Variants in SKAP2 observed in about 807,000 individuals in gnomAD.
SKAP2 encodes src kinase-associated phosphoprotein 2.
Under a neutral mutation model 54.9 loss-of-function variants are expected in SKAP2, and 28 were observed. That is an observed-to-expected ratio of 0.51 (90% CI 0.38 to 0.70). The LOEUF (loss-of-function observed/expected upper bound fraction) is 0.70. Among genes scored for constraint, SKAP2 ranks in the 30% least tolerant of loss-of-function variants. SKAP2 has a pLI of 0.00. For missense variants in SKAP2, 356 were observed against 424.1 expected (o/e 0.84, Z 1.41); for synonymous variants, 137 against 134.3 (o/e 1.02, Z -0.14).
intron 4 of SKAP2, among the ~76,000 whole-genome samples, chr7:26,794,904 T>C (rs1198442799): frequency 2.6e-5 from 4 of 152,206 alleles, no homozygotes; most frequent in Non-Finnish European, 4.4e-5. Context: ...TTCTCTCCCC[T>C]GTACGTATAT....
chr7:26,685,581 G>A (rs1584329807), intron 10 of SKAP2, among the ~76,000 whole-genome samples: 1 of 152,290 alleles, frequency 6.6e-6, no homozygotes, highest in Admixed American at 6.5e-5. Context: ...ATACACTGGA[G>A]TATCAGCTCA....
chr7:26,811,547 A>C (rs1396906549), intron 4 of SKAP2, among the ~76,000 whole-genome samples: 17 of 152,192 alleles, frequency 1.1e-4, no homozygotes, highest in Non-Finnish European at 2.5e-4. Context: ...GTAAAAACTT[A>C]AGTCCAAAAG....
chr7:26,763,240 T>C lies in SKAP2; in HGVS notation c.308-23276A>G, dbSNP rs550025501. Among the ~76,000 whole-genome samples, 42 of 152,232 alleles carry C rather than the reference T, an allele frequency of 2.8e-4. 1 individual carries two copies. The highest frequency in any genetic ancestry group is 1.2e-3 in the South Asian group (6 of 4,820). ...TACCAAGATTTTCCACATAAGAAAA[T>C]ATTTACAAAGGAAAATAAGTGCTCA... On this transcript the variant is annotated intron_variant, in intron 4 of 12. Coordinates refer to ENST00000345317, the MANE Select transcript of SKAP2 (RefSeq NM_003930.5).
rs1584367940 is a variant in SKAP2 at position 26,750,469 on chromosome 7, C to T, written c.308-10505G>A. On this transcript the variant is annotated intron_variant, in intron 4 of 12. Coordinates refer to ENST00000345317, the MANE Select transcript of SKAP2 (RefSeq NM_003930.5). ...GGGATTACAGGCATGCGCTACCATG[C>T]CCAACTAATTTTTGTATCTGTAGTA... is the stretch of plus-strand genomic sequence containing the variant. Among the ~76,000 whole-genome samples, 2 of 151,906 alleles carry T rather than the reference C, an allele frequency of 1.3e-5. 1 individual carries two copies. Among genetic ancestry groups the T allele is most frequent in the South Asian group, 4.2e-4 (2 of 4,810 alleles).
In SKAP2 at chr7:26,667,121, T is replaced by C. The variant is rs1471556595; in HGVS notation, c.*2545A>G. Reference sequence around the variant, plus strand: ...CTTAAAAATTTGCAGAGTGGAACATTATTGTAAGATCTAATGGCAATAGAG... The same window carrying C: ...CTTAAAAATTTGCAGAGTGGAACATCATTGTAAGATCTAATGGCAATAGAG... On this transcript the variant is annotated 3_prime_UTR_variant, in exon 13 of 13. Coordinates refer to ENST00000345317, the MANE Select transcript of SKAP2 (RefSeq NM_003930.5). 1 of 152,204 alleles carries C rather than the reference T, an allele frequency of 6.6e-6. No individual in the cohort carries two copies. The highest frequency in any genetic ancestry group is 2.4e-5 in the African/African-American group (1 of 41,452). The allele number at this position is 152,204 out of a possible 1,614,324, so 9.4% of individuals were successfully genotyped here.
At chr7:26,760,822 AAAGG>A (rs551883453) in intron 4 of SKAP2, among the ~76,000 whole-genome samples, 43 of 152,296 alleles carry the variant, frequency 2.8e-4, no homozygotes, top group South Asian at 2.1e-3. Flanking sequence ...AGAGGAGGCC[AAAGG>A]AAGGCCAAAA....
intron 4 of SKAP2, among the ~76,000 whole-genome samples, chr7:26,802,374 C>T (rs200014290): frequency 8.6e-5 from 13 of 150,628 alleles, no homozygotes; most frequent in Admixed American, 6.0e-4. Flanking sequence ...CGAGTTCAAG[C>T]GATTCTCCTG....
At chr7:26,774,893 A>T (rs777430142) in intron 4 of SKAP2, among the ~76,000 whole-genome samples, 7 of 152,148 alleles carry the variant, frequency 4.6e-5, no homozygotes, top group Non-Finnish European at 8.8e-5. Flanking sequence ...GTTAACAAGC[A>T]CCTGATTTGT....
intron 4 of SKAP2, among the ~76,000 whole-genome samples, chr7:26,810,504 C>T (rs1232297946): frequency 1.3e-5 from 2 of 152,020 alleles, no homozygotes; most frequent in South Asian, 2.1e-4. Context: ...TTGTACATCA[C>T]GGTGACTGCT....
intron 4 of SKAP2, among the ~76,000 whole-genome samples, chr7:26,787,886 C>T (rs1464818581): frequency 2.0e-5 from 3 of 152,078 alleles, no homozygotes; most frequent in African/African-American, 7.2e-5. Flanking sequence ...AACCGAGTCT[C>T]GCTCTGTCGC....
intron 4 of SKAP2, among the ~76,000 whole-genome samples, chr7:26,808,949 G>A (rs1784082020): frequency 6.6e-6 from 1 of 152,170 alleles, no homozygotes; most frequent in African/African-American, 2.4e-5. Context: ...GGTAAATGGG[G>A]TTACATCAAA....
chr7:26,837,201 G>A (rs1257792635), intron 4 of SKAP2, among the ~76,000 whole-genome samples: 1 of 152,134 alleles, frequency 6.6e-6, no homozygotes, highest in Non-Finnish European at 1.5e-5. Context: ...TGGGGGCTAG[G>A]GGAGGGATAG....
At chr7:26,792,176 A>C (rs182058741) in intron 4 of SKAP2, among the ~76,000 whole-genome samples, 107 of 152,328 alleles carry the variant, frequency 7.0e-4, no homozygotes, top group South Asian at 1.9e-3. Context: ...AGTGGTTGCC[A>C]GGGGCTGGGT....
rs1244594951 is a variant in SKAP2 at position 26,726,893 on chromosome 7, G to T, written c.583C>A (p.Arg195Ser). Residue 195 changes from arginine to serine, a missense_variant, in exon 7 of 13, where the codon CGT becomes AGT. Arg to Ser is a moderately radical substitution (Grantham distance 110). Transcript: ENST00000345317. ...CCFEISAPDK[R>S]IYQFTAASPK... ...ATAAAAACTACAACCTGATATATAC[G>T]TTTATCAGGAGCAGAGATTTCAAAA... 3 of 1,607,488 alleles carry T rather than the reference G, an allele frequency of 1.9e-6. No homozygotes were observed. The highest frequency in any genetic ancestry group is 1.1e-5 in the South Asian group (1 of 90,036).
chr7:26,746,194 T>C (rs753481913), intron 4 of SKAP2, among the ~76,000 whole-genome samples: 12 of 152,192 alleles, frequency 7.9e-5, no homozygotes, highest in Non-Finnish European at 1.2e-4. Flanking sequence ...CTTTAGGAAA[T>C]AGTCCATTAA....
At chr7:26,791,091 C>T (rs1226044076) in intron 4 of SKAP2, among the ~76,000 whole-genome samples, 2 of 151,978 alleles carry the variant, frequency 1.3e-5, no homozygotes, top group Non-Finnish European at 1.5e-5. Context: ...AAATTCAATA[C>T]ATTTCTTAAC....
intron 11 of SKAP2, among the ~76,000 whole-genome samples, chr7:26,670,496 C>T (rs1786204603): frequency 6.6e-6 from 1 of 151,994 alleles, no homozygotes; most frequent in Non-Finnish European, 1.5e-5. Context: ...TCTCTCTCTC[C>T]ACAGAGCCTG....
chr7:26,781,583 T>G (rs1461817004), intron 4 of SKAP2, among the ~76,000 whole-genome samples: 1 of 152,206 alleles, frequency 6.6e-6, no homozygotes, highest in African/African-American at 2.4e-5. Flanking sequence ...AAACTAGGCA[T>G]TCTCCCTAGG....
chr7:26,718,444 T>A (rs1401084944), intron 9 of SKAP2, among the ~76,000 whole-genome samples: 1 of 152,076 alleles, frequency 6.6e-6, no homozygotes, highest in African/African-American at 2.4e-5. Context: ...CACATCAAAC[T>A]GTTAACAAAG....
Sources: allele counts gnomAD v4.1 joint callset (sites outside exome capture counted in the v4.1 genomes callset), GRCh38; gene constraint gnomAD v4.1.1; transcripts MANE v1.5; gene names NCBI Gene and HGNC (gene_info 2026-07-23, HGNC 2026-07-21).